PRIMA1: variants seen among roughly 807,000 people sequenced by gnomAD.
The protein encoded by PRIMA1 is proline rich membrane anchor 1, also known as proline-rich membrane anchor 1.
In PRIMA1, 7 loss-of-function variants were observed where a neutral mutation model predicts 17.5. That is an observed-to-expected ratio of 0.40 (90% confidence interval 0.23 to 0.75). PRIMA1 has a LOEUF of 0.75. PRIMA1 is among the 30% of genes least tolerant of loss of function. The pLI is 0.37. For synonymous variants in PRIMA1, 97 were observed against 77.9 expected, an observed-to-expected ratio of 1.25 and a Z score of -1.29; for missense variants, 200 against 201.8, an observed-to-expected ratio of 0.99 and a Z score of 0.05.
intron 4 of PRIMA1, among the ~76,000 whole-genome samples, chr14:93,728,729 A>G (rs1353561140): frequency 6.6e-6 from 1 of 152,180 alleles, no homozygotes; most frequent in Non-Finnish European, 1.5e-5. Context: ...TGGGTCTCCC[A>G]TCAGCTGGCC....
chr14:93,735,422 G>A (rs1489155096), intron 4 of PRIMA1, among the ~76,000 whole-genome samples: 2 of 152,110 alleles, frequency 1.3e-5, no homozygotes, highest in Non-Finnish European at 2.9e-5. Flanking sequence ...CTGCTCCGCT[G>A]CTTAAAACCC....
At chr14:93,743,633 T>C (rs2076197643) in intron 3 of PRIMA1, among the ~76,000 whole-genome samples, 2 of 152,332 alleles carry the variant, frequency 1.3e-5, no homozygotes, top group African/African-American at 4.8e-5. Context: ...AAGTTCAGCC[T>C]TTGCTGTGGG....
rs971935224 is a variant in PRIMA1 at position 93,726,429 on chromosome 14, A to G, written c.360-4883T>C. ...GAGAAGTGAAAGTTAAAGGTCCTGG[A>G]CTCACCTCTTATGAAGGTATTCATC... is the stretch of plus-strand genomic sequence containing the variant. On this transcript the variant is annotated intron_variant, in intron 4 of 4. Transcript: ENST00000393140. The surrounding 1 kb of genome is among the most constrained non-coding windows in gnomAD (Gnocchi z 4.2). Among the ~76,000 whole-genome samples the G allele has an allele frequency of 1.3e-5, 2 of 151,714 alleles. No individual in the cohort carries two copies. The highest frequency in any genetic ancestry group is 1.3e-4 in the Admixed American group (2 of 15,216).
chr14:93,777,924 C>T (rs1468938252), intron 3 of PRIMA1, among the ~76,000 whole-genome samples: 5 of 152,130 alleles, frequency 3.3e-5, no homozygotes, highest in African/African-American at 9.7e-5. Flanking sequence ...GACTACGTGC[C>T]GTGGGGCCCA....
At chr14:93,788,119 A>C (rs576731796) in intron 1 of PRIMA1, among the ~76,000 whole-genome samples, 1 of 152,142 alleles carries the variant, frequency 6.6e-6, no homozygotes, top group South Asian at 2.1e-4. Context: ...CCCGGCGGGC[A>C]CTACTCACCT....
intron 3 of PRIMA1, among the ~76,000 whole-genome samples, chr14:93,776,196 G>A (rs568449836): frequency 1.3e-5 from 2 of 152,278 alleles, no homozygotes; most frequent in East Asian, 3.9e-4. Context: ...TGAGACCATG[G>A]ATTCAGCAGA....
intron 4 of PRIMA1, among the ~76,000 whole-genome samples, chr14:93,732,813 C>CCCAGCTGAGT (rs1457428155): frequency 3.9e-5 from 6 of 152,322 alleles, no homozygotes; most frequent in African/African-American, 1.4e-4. Context: ...CCCAGCTGAG[C>CCCAGCTGAGT]CCAGCTGAGC....
chr14:93,745,312 A>G (rs2141167272), intron 3 of PRIMA1, among the ~76,000 whole-genome samples: 1 of 152,302 alleles, frequency 6.6e-6, no homozygotes, highest in Admixed American at 6.5e-5. Context: ...AGGGCTCCAG[A>G]GCAGCCCAAG....
chr14:93,787,597 C>T (rs1467208915), intron 2 of PRIMA1, 29 bp downstream of exon 2: 2 of 1,538,566 alleles, frequency 1.3e-6, no homozygotes, highest in Non-Finnish European at 8.7e-7. Context: ...GGAGGCCCTC[C>T]CAGCCAGTGC....
chr14:93,725,662 G>C (rs1366061009), intron 4 of PRIMA1, among the ~76,000 whole-genome samples: 2 of 152,120 alleles, frequency 1.3e-5, no homozygotes, highest in Non-Finnish European at 2.9e-5. Flanking sequence ...TAGGCTTGTT[G>C]GGAGGATTAA....
intron 3 of PRIMA1, among the ~76,000 whole-genome samples, chr14:93,742,542 C>G (rs533160881): frequency 6.6e-6 from 1 of 152,296 alleles, no homozygotes; most frequent in East Asian, 1.9e-4. Context: ...ATGTGCCCAC[C>G]TGTATGGGGT....
rs1265579126 is a variant in PRIMA1 at position 93,726,809 on chromosome 14, AAC to A, written c.360-5265_360-5264del. 5.3e-5 allele frequency among the ~76,000 whole-genome samples: 8 copies of A among 151,880 alleles called. No individual in the cohort carries two copies. Among genetic ancestry groups the A allele is most frequent in the Non-Finnish European group, 7.4e-5 (5 of 67,948 alleles). On this transcript the variant is annotated intron_variant, in intron 4 of 4. Transcript: ENST00000393140. This position sits in a 1 kb window ranked among gnomAD's most constrained non-coding sequence, Gnocchi z 4.2. The stretch of plus-strand genomic sequence containing the variant: ...ATATACACATACACACATGTACTTC[AAC>A]ACACACACAATATACACATACACAC...
chr14:93,769,279 C>T (rs1042559634), intron 3 of PRIMA1, among the ~76,000 whole-genome samples: 5 of 152,186 alleles, frequency 3.3e-5, no homozygotes. Context: ...GCCAGGACCT[C>T]GCATGTGTGA....
chr14:93,727,204 G>A (rs375896266), intron 4 of PRIMA1, among the ~76,000 whole-genome samples: 6 of 152,286 alleles, frequency 3.9e-5, no homozygotes, highest in African/African-American at 1.2e-4. Context: ...GCTGAGCTGC[G>A]GCGGAACTGG....
chr14:93,779,216 CGG>C lies in PRIMA1; in HGVS notation c.187_188del (p.Pro63AlafsTer23). 1.7e-5 allele frequency: 7 copies of C among 414,866 alleles called. No individual in the cohort carries two copies. The highest frequency in any genetic ancestry group is 2.2e-5 in the Non-Finnish European group (7 of 321,536). The allele number at this position is 414,866 out of a possible 1,614,324, so 25.7% of individuals were successfully genotyped here. ...QCRPPPPLPP[P>X]PPPPPPPRLL... is the part of the protein sequence containing the mutation. ...GTCTGGGAGGTGGCGGGGGTGGGGGCGGCGGGGGCAGCGGGGGAGGGGGCCGG... is the reference window on the plus strand; with the variant it reads ...GTCTGGGAGGTGGCGGGGGTGGGGGCCGGGGGCAGCGGGGGAGGGGGCCGG... On this transcript the variant is annotated frameshift_variant, in exon 3 of 5. Transcript: ENST00000393140. LOFTEE classifies it high-confidence loss of function.
intron 3 of PRIMA1, among the ~76,000 whole-genome samples, chr14:93,769,727 G>A (rs1286783279): frequency 6.6e-6 from 1 of 152,188 alleles, no homozygotes; most frequent in Admixed American, 6.5e-5. Context: ...TTGTTAGTCG[G>A]AAACTCATCA....
rs1179133675 is a variant in PRIMA1, at chr14:93,719,486, G to C, written c.*1958C>G. On this transcript the variant is annotated 3_prime_UTR_variant, in exon 5 of 5. Transcript: ENST00000393140. ...GAGCTTCTGGACAGCCCAAGGCATGGGCACTTTCTCATGGTTGCAGCACAG... is the reference window on the plus strand; with the variant it reads ...GAGCTTCTGGACAGCCCAAGGCATGCGCACTTTCTCATGGTTGCAGCACAG... The C allele has an allele frequency of 1.3e-5, 2 of 152,380 alleles. No individual in the cohort carries two copies. The highest frequency in any genetic ancestry group is 2.9e-5 in the Non-Finnish European group (2 of 68,174). 9.4% of individuals were successfully genotyped at this position (152,380 alleles called of 1,614,324 possible). A position where few individuals can be genotyped will look rare whatever the true frequency, so the allele number is the denominator to read the frequency against.
rs386382197 is a variant in PRIMA1, at chr14:93,785,188, CA to C, written c.93+2437del. The stretch of plus-strand genomic sequence containing the variant: ...GCCAGCCTGTCATCCTCTTCTCTTT[CA>C]AAAAAAAAAAAAAAAAAAGAATCAT... On this transcript the variant is annotated intron_variant, in intron 2 of 4. Transcript: ENST00000393140. Among the ~76,000 whole-genome samples the C allele has an allele frequency of 1.3e-3, 138 of 110,054 alleles. 1 individual carries two copies. The highest frequency in any genetic ancestry group is 4.3e-3 in the East Asian group (16 of 3,752). The allele number at this position is 110,054 out of a possible 152,430, so 72.2% of individuals were successfully genotyped here.
intron 2 of PRIMA1, among the ~76,000 whole-genome samples, chr14:93,781,765 A>G (rs1448929853): frequency 6.6e-6 from 1 of 151,528 alleles, no homozygotes; most frequent in Non-Finnish European, 1.5e-5. Context: ...ACCTGAGGTC[A>G]GGAGTTCGAG....
Sources: allele counts gnomAD v4.1 joint callset (sites outside exome capture counted in the v4.1 genomes callset), GRCh38; gene constraint gnomAD v4.1.1; non-coding constraint Gnocchi (gnomAD v3.1); transcripts MANE v1.5; gene names NCBI Gene and HGNC (gene_info 2026-07-23, HGNC 2026-07-21).